The following TTC29 variants were observed in gnomAD, a reference collection of about 807,000 sequenced individuals.
TTC29 encodes the protein tetratricopeptide repeat domain 29, also known as tetratricopeptide repeat protein 29.
In TTC29, 49 loss-of-function variants were observed where a neutral mutation model predicts 58.1. The observed-to-expected ratio is 0.84, with a 90% CI of 0.67 to 1.07. The LOEUF (loss-of-function observed/expected upper bound fraction) is 1.07. Ranked by LOEUF, TTC29 falls within the 50% of genes least tolerant of loss-of-function variation. TTC29 has a pLI of 0.00. For missense variants in TTC29, 582 were observed against 555.6 expected, an observed-to-expected ratio of 1.05 and a Z score of -0.48; for synonymous variants, 209 against 196.8, an observed-to-expected ratio of 1.06 and a Z score of -0.52.
intron 9 of TTC29, among the ~76,000 whole-genome samples, chr4:146,821,294 C>T (rs759773716): frequency 2.6e-5 from 4 of 152,168 alleles, no homozygotes; most frequent in Middle Eastern, 3.4e-3. Flanking sequence ...GTTGCTCAAC[C>T]CCATGAGTAC....
chr4:146,732,848 G>A (rs1453003746), intron 11 of TTC29, among the ~76,000 whole-genome samples: 2 of 152,148 alleles, frequency 1.3e-5, no homozygotes, highest in African/African-American at 2.4e-5. Context: ...TTTATTGGTA[G>A]GATTTTAGCC....
chr4:146,868,471 T>C (rs575042022), intron 7 of TTC29, among the ~76,000 whole-genome samples: 25 of 152,136 alleles, frequency 1.6e-4, no homozygotes, highest in Non-Finnish European at 3.2e-4. Flanking sequence ...TCCAAACACT[T>C]TTCTTTACTA....
chr4:146,941,906 A>T (rs563333164), intron 2 of TTC29, among the ~76,000 whole-genome samples: 1 of 152,292 alleles, frequency 6.6e-6, no homozygotes, highest in East Asian at 1.9e-4. Flanking sequence ...GGAGTAGAGA[A>T]GGAGAGATGT....
At chr4:146,863,862 C>T (rs1730402381) in intron 8 of TTC29, among the ~76,000 whole-genome samples, 1 of 152,092 alleles carries the variant, frequency 6.6e-6, no homozygotes. Context: ...TAAATTTGCC[C>T]TTCCTCTGCC....
intron 7 of TTC29, among the ~76,000 whole-genome samples, chr4:146,870,063 T>C (rs1038091096): frequency 2.6e-5 from 4 of 151,866 alleles, no homozygotes; most frequent in Admixed American, 2.0e-4. Flanking sequence ...AGAGGGAAAA[T>C]AGAGCAAGGT....
chr4:146,880,504 T>C (rs1341828927), intron 6 of TTC29, among the ~76,000 whole-genome samples: 4 of 152,268 alleles, frequency 2.6e-5, no homozygotes, highest in African/African-American at 9.6e-5. Context: ...ACAAACACGA[T>C]GTAGGGAAAA....
chr4:146,844,230 C>T (rs1729023254), intron 8 of TTC29, among the ~76,000 whole-genome samples: 1 of 152,074 alleles, frequency 6.6e-6, no homozygotes, highest in Non-Finnish European at 1.5e-5. Flanking sequence ...TTTAAACATC[C>T]AACAGGCAGA....
chr4:146,724,959 G>A (rs577636168), intron 11 of TTC29, among the ~76,000 whole-genome samples: 18 of 152,114 alleles, frequency 1.2e-4, no homozygotes, highest in Non-Finnish European at 2.5e-4. Context: ...TACAGGTATT[G>A]AGTCACCTTT....
intron 11 of TTC29, among the ~76,000 whole-genome samples, chr4:146,790,770 G>A (rs1749390231): frequency 6.6e-6 from 1 of 152,150 alleles, no homozygotes. Context: ...GACTTGCTAA[G>A]CAAGACTGTG....
At chr4:146,767,191 T>C (rs1220093319) in intron 11 of TTC29, among the ~76,000 whole-genome samples, 1 of 152,042 alleles carries the variant, frequency 6.6e-6, no homozygotes. Flanking sequence ...GTTAATCATA[T>C]CTGATAGCTA....
At chr4:146,775,791 GT>G (rs1748048358) in intron 11 of TTC29, among the ~76,000 whole-genome samples, 1 of 152,094 alleles carries the variant, frequency 6.6e-6, no homozygotes, top group African/African-American at 2.4e-5. Context: ...GAATTTGAAT[GT>G]TGGCCTCTCT....
chr4:146,938,003 A>G (rs1027362181), intron 3 of TTC29, among the ~76,000 whole-genome samples: 3 of 152,102 alleles, frequency 2.0e-5, no homozygotes, highest in African/African-American at 4.8e-5. Flanking sequence ...TAACTTTCCA[A>G]CTGCTGAAGT....
At chr4:146,925,986 C>A (rs1039332181) in intron 4 of TTC29, among the ~76,000 whole-genome samples, 1 of 152,142 alleles carries the variant, frequency 6.6e-6, no homozygotes, top group African/African-American at 2.4e-5. Flanking sequence ...TACTTAACCT[C>A]TCCATGCCTT....
chr4:146,928,945 A>G (rs889869058), intron 4 of TTC29, among the ~76,000 whole-genome samples: 5 of 152,202 alleles, frequency 3.3e-5, no homozygotes, highest in Non-Finnish European at 5.9e-5. Context: ...TTCTGACCAA[A>G]TAACTTTTAT....
chr4:146,857,463 C>A (rs931163389), intron 8 of TTC29, among the ~76,000 whole-genome samples: 1 of 152,034 alleles, frequency 6.6e-6, no homozygotes, highest in African/African-American at 2.4e-5. Flanking sequence ...AGGAAAATGA[C>A]TGCTGAGACC....
intron 11 of TTC29, among the ~76,000 whole-genome samples, chr4:146,721,607 G>C (rs1743359348): frequency 6.6e-6 from 1 of 152,076 alleles, no homozygotes; most frequent in Admixed American, 6.6e-5. Flanking sequence ...GCACATAGAA[G>C]GTGACCGTTA....
chr4:146,829,431 C>A (rs992094291), intron 9 of TTC29, among the ~76,000 whole-genome samples: 3 of 152,108 alleles, frequency 2.0e-5, no homozygotes, highest in Admixed American at 6.6e-5. Flanking sequence ...GATGAAACAG[C>A]CACTAAGGGG....
intron 3 of TTC29, among the ~76,000 whole-genome samples, chr4:146,938,150 C>A (rs536556327): frequency 6.6e-6 from 1 of 152,194 alleles, no homozygotes; most frequent in Non-Finnish European, 1.5e-5. Flanking sequence ...ACATAAAACT[C>A]AAATTATTAA....
At chr4:146,888,676 G>T (rs1227925604) in intron 6 of TTC29, among the ~76,000 whole-genome samples, 1 of 152,152 alleles carries the variant, frequency 6.6e-6, no homozygotes, top group African/African-American at 2.4e-5. Context: ...GAGGTACAAA[G>T]AAGTTAATAT....
Sources: allele counts gnomAD v4.1 joint callset (sites outside exome capture counted in the v4.1 genomes callset), GRCh38; gene constraint gnomAD v4.1.1; transcripts MANE v1.5; gene names NCBI Gene and HGNC (gene_info 2026-07-23, HGNC 2026-07-21).